The following NAPG variants were observed in gnomAD, a reference collection of about 807,000 sequenced individuals.
The protein encoded by NAPG is gamma-soluble NSF attachment protein.
A neutral mutation model predicts 48.4 loss-of-function variants in NAPG; 25 were observed. That is an observed-to-expected ratio of 0.52 (90% CI 0.38 to 0.72). The LOEUF (loss-of-function observed/expected upper bound fraction) is 0.72. Among genes scored for constraint, NAPG ranks in the 30% least tolerant of loss-of-function variants. The pLI is 0.00. For missense variants in NAPG, 359 were observed against 372.5 expected, an observed-to-expected ratio of 0.96 and a Z score of 0.30; for synonymous variants, 139 against 127.2, an observed-to-expected ratio of 1.09 and a Z score of -0.62.
Position 10,550,393 on chromosome 18 carries a change from C to T in NAPG, c.*173C>T. 1.7e-6 allele frequency: 1 copy of T among 575,836 alleles called. No homozygotes were observed. Among genetic ancestry groups the T allele is most frequent in the Non-Finnish European group, 2.8e-6 (1 of 359,092 alleles). The allele number at this position is 575,836 out of a possible 1,614,324, so 35.7% of individuals were successfully genotyped here. ...CCAAATCACTCATTGTATCCATTAC[C>T]TGTGAAGCATATCTTTTTCTTTCCA... On this transcript the variant is annotated 3_prime_UTR_variant, in exon 12 of 12. Coordinates refer to ENST00000322897, the MANE Select transcript of NAPG (RefSeq NM_003826.3).
chr18:10,546,786 G>T lies in NAPG; in HGVS notation c.585+382G>T, dbSNP rs534132644. On this transcript the variant is annotated intron_variant, in intron 9 of 11. Transcript: ENST00000322897. The surrounding 1 kb of genome is among the most constrained non-coding windows in gnomAD (Gnocchi z 4.0). Reference sequence around the variant, plus strand: ...ACAGTTGTGGAGCTGGGCAGCAAAGGCTGCAACAATGAAAACTCCAAAAGA... The same window carrying T: ...ACAGTTGTGGAGCTGGGCAGCAAAGTCTGCAACAATGAAAACTCCAAAAGA... 6.6e-6 allele frequency among the ~76,000 whole-genome samples: 1 copy of T among 152,162 alleles called. No individual in the cohort carries two copies. Among genetic ancestry groups the T allele is most frequent in the African/African-American group, 2.4e-5 (1 of 41,438 alleles).
intron 5 of NAPG, among the ~76,000 whole-genome samples, chr18:10,535,335 T>G (rs1214884991): frequency 6.6e-6 from 1 of 152,220 alleles, no homozygotes; most frequent in Non-Finnish European, 1.5e-5. Context: ...GTTAACATAC[T>G]TAGTTTAAAA....
chr18:10,550,367 C>T lies in NAPG; in HGVS notation c.*147C>T. On this transcript the variant is annotated 3_prime_UTR_variant, in exon 12 of 12. Transcript: ENST00000322897. Reference sequence around the variant, plus strand: ...AAGACTAGTTTTTAGTTACCATCTTCCCAAATCACTCATTGTATCCATTAC... The same window carrying T: ...AAGACTAGTTTTTAGTTACCATCTTTCCAAATCACTCATTGTATCCATTAC... The T allele has an allele frequency of 2.6e-6, 2 of 773,622 alleles. No homozygotes were observed. Among genetic ancestry groups the T allele is most frequent in the Non-Finnish European group, 3.8e-6 (2 of 522,356 alleles). The allele number at this position is 773,622 out of a possible 1,614,324, so 47.9% of individuals were successfully genotyped here. A position where few individuals can be genotyped will look rare whatever the true frequency, so the allele number is the denominator to read the frequency against.
Position 10,526,064 on chromosome 18 carries a change from G to T in NAPG, c.-39G>T. 1 of 1,602,476 alleles carries T rather than the reference G, an allele frequency of 6.2e-7. No individual in the cohort carries two copies. Among genetic ancestry groups the T allele is most frequent in the Non-Finnish European group, 8.5e-7 (1 of 1,169,934 alleles). On this transcript the variant is annotated 5_prime_UTR_variant, in exon 1 of 12. In the 5' UTR this introduces an upstream ATG that the reference lacks. Transcript: ENST00000322897. ...ATTCTTGGCGCCGGAGGAAGAGGCAGGGTCACCCTCTCTCCACGTCAGAGA... is the reference window on the plus strand; with the variant it reads ...ATTCTTGGCGCCGGAGGAAGAGGCATGGTCACCCTCTCTCCACGTCAGAGA...
chr18:10,540,518 G>C (rs1315828902), intron 8 of NAPG, 119 bp downstream of exon 8: 1 of 675,672 alleles, frequency 1.5e-6, no homozygotes, highest in Non-Finnish European at 2.5e-6. Context: ...GACACACCAG[G>C]CCACACAATA....
rs922703354 is a variant in NAPG, at chr18:10,546,038, C to G, written c.507-288C>G. 6.6e-6 allele frequency among the ~76,000 whole-genome samples: 1 copy of G among 152,210 alleles called. No homozygotes were observed. The highest frequency in any genetic ancestry group is 1.5e-5 in the Non-Finnish European group (1 of 68,048). On this transcript the variant is annotated intron_variant, in intron 8 of 11. Coordinates refer to ENST00000322897, the MANE Select transcript of NAPG (RefSeq NM_003826.3). The surrounding 1 kb of genome is among the most constrained non-coding windows in gnomAD (Gnocchi z 4.0). Reference sequence around the variant, plus strand: ...TACGTATCACGAAGAAGTCGTGACACTCGCTATTGGACAGTCCTTACTAAG... The same window carrying G: ...TACGTATCACGAAGAAGTCGTGACAGTCGCTATTGGACAGTCCTTACTAAG...
Position 10,548,180 on chromosome 18 carries a change from ATC to A in NAPG, c.586-115_586-114del. 1 of 697,892 alleles carries A rather than the reference ATC, an allele frequency of 1.4e-6. No homozygotes were observed. The highest frequency in any genetic ancestry group is 2.5e-6 in the Non-Finnish European group (1 of 401,282). The allele number at this position is 697,892 out of a possible 1,614,324, so 43.2% of individuals were successfully genotyped here. A position where few individuals can be genotyped will look rare whatever the true frequency, so the allele number is the denominator to read the frequency against. ...GTGGAAGTTACTATAGCATTTATAA[ATC>A]TCTGTTTATACAAACAAAGACTCTG... On this transcript the variant is annotated intron_variant, in intron 9 of 11. Transcript: ENST00000322897. The surrounding 1 kb of genome is among the most constrained non-coding windows in gnomAD (Gnocchi z 4.4).
chr18:10,532,711 C>G lies in NAPG; in HGVS notation c.125C>G (p.Ala42Gly), dbSNP rs1469043720. The change falls in exon 3 of 12, where the codon GCT becomes GGT. Residue 42 changes from alanine (A) to glycine (G), a missense_variant and splice_region_variant. Coordinates refer to ENST00000322897, the MANE Select transcript of NAPG (RefSeq NM_003826.3). ...TAGTCAATTTTTTTTTCTATTTCAG[C>G]TGTTGCTTTTAAAAATGCCAAACAG... is the stretch of plus-strand genomic sequence containing the variant. ...DSAASEYGKA[A>G]VAFKNAKQFE... 6.4e-7 allele frequency: 1 copy of G among 1,568,698 alleles called. No homozygotes were observed. Among genetic ancestry groups the G allele is most frequent in the African/African-American group, 1.4e-5 (1 of 73,702 alleles).
chr18:10,549,290 G>A (rs1224078468), intron 11 of NAPG, among the ~76,000 whole-genome samples, 194 bp downstream of exon 11: 2 of 152,102 alleles, frequency 1.3e-5, no homozygotes, highest in African/African-American at 4.8e-5. Context: ...TGTTAGTTGT[G>A]TGGTGTATAG....
chr18:10,548,407 T>TG lies in NAPG; in HGVS notation c.665+30dup, dbSNP rs770038104. On this transcript the variant is annotated intron_variant, in intron 10 of 11. Coordinates refer to ENST00000322897, the MANE Select transcript of NAPG (RefSeq NM_003826.3). The surrounding 1 kb of genome is among the most constrained non-coding windows in gnomAD (Gnocchi z 4.4). ...AGACGTTGTCTGGGCCCTCTTGACT[T>TG]GCAGTGGCGACACCTCTGTGTCTAC... 3 of 1,558,310 alleles carry TG rather than the reference T, an allele frequency of 1.9e-6. No homozygotes were observed. The African/African-American group carries it at 4.1e-5, about 21-fold the overall frequency.
chr18:10,549,838 A>G (rs1008224948), intron 11 of NAPG, among the ~76,000 whole-genome samples: 4 of 152,124 alleles, frequency 2.6e-5, no homozygotes, highest in African/African-American at 9.6e-5. Context: ...GAAAATATAT[A>G]TATTTCTAAA....
At chr18:10,529,474 C>T (rs1278669955) in intron 1 of NAPG, among the ~76,000 whole-genome samples, 2 of 152,182 alleles carry the variant, frequency 1.3e-5, no homozygotes, top group Admixed American at 1.3e-4. Flanking sequence ...CTGTAGCTGG[C>T]TGGGTACAGT....
intron 5 of NAPG, among the ~76,000 whole-genome samples, chr18:10,535,788 T>C (rs974049696): frequency 3.3e-5 from 5 of 152,162 alleles, no homozygotes; most frequent in Non-Finnish European, 7.3e-5. Flanking sequence ...AGGAAAGTGT[T>C]TAAATAAATT....
In NAPG at chr18:10,546,132, A is replaced by G. The variant is rs1324807884; in HGVS notation, c.507-194A>G. 6.6e-6 allele frequency among the ~76,000 whole-genome samples: 1 copy of G among 152,120 alleles called. No homozygotes were observed. The highest frequency in any genetic ancestry group is 2.4e-5 in the African/African-American group (1 of 41,420). The stretch of plus-strand genomic sequence containing the variant: ...GCTTTTTCTGTCAGCGTGCAGCCTG[A>G]AAGTGGGGAGTCAGACATTTGAAAG... On this transcript the variant is annotated intron_variant, in intron 8 of 11. Transcript: ENST00000322897. This position sits in a 1 kb window ranked among gnomAD's most constrained non-coding sequence, Gnocchi z 4.0.
Position 10,550,536 on chromosome 18 carries a change from G to T in NAPG, c.*316G>T. ...CATAAATTATGTTCTAAACAAAAGG[G>T]GTAATAAGCATAGGTATTCTCTCTT... On this transcript the variant is annotated 3_prime_UTR_variant, in exon 12 of 12. Transcript: ENST00000322897. 4.7e-6 allele frequency: 1 copy of T among 212,158 alleles called. No individual in the cohort carries two copies. The highest frequency in any genetic ancestry group is 9.3e-6 in the Non-Finnish European group (1 of 107,288). 13.1% of individuals were successfully genotyped at this position (212,158 alleles called of 1,614,324 possible).
rs746023885 is a variant in NAPG, at chr18:10,550,057, A to C, written c.796-20A>C. On this transcript the variant is annotated intron_variant, in intron 11 of 11. Coordinates refer to ENST00000322897, the MANE Select transcript of NAPG (RefSeq NM_003826.3). Reference sequence around the variant, plus strand: ...GATTCTAGTTATCCAGCTTTTAAGAACATGTTCTGTTGTTGACAGTATGCT... The same window carrying C: ...GATTCTAGTTATCCAGCTTTTAAGACCATGTTCTGTTGTTGACAGTATGCT... 1.3e-6 allele frequency: 2 copies of C among 1,508,228 alleles called. No homozygotes were observed. Among genetic ancestry groups the C allele is most frequent in the Non-Finnish European group, 8.8e-7 (1 of 1,135,668 alleles). 93.4% of individuals were successfully genotyped at this position (1,508,228 alleles called of 1,614,324 possible).
rs2143144088 is a variant in NAPG, at chr18:10,546,650, G to A, written c.585+246G>A. 6.6e-6 allele frequency among the ~76,000 whole-genome samples: 1 copy of A among 152,288 alleles called. No individual in the cohort carries two copies. The highest frequency in any genetic ancestry group is 2.1e-4 in the South Asian group (1 of 4,828). On this transcript the variant is annotated intron_variant, in intron 9 of 11. Coordinates refer to ENST00000322897, the MANE Select transcript of NAPG (RefSeq NM_003826.3). This position sits in a 1 kb window ranked among gnomAD's most constrained non-coding sequence, Gnocchi z 4.0. ...GAACTCTGAAAAGTAAATAAAAAGA[G>A]ACTAAGGAGAGGAGCAAACACGTGG... is the stretch of plus-strand genomic sequence containing the variant.
At position 10,534,361 on chromosome 18, in the gene NAPG, A is replaced by T; in HGVS notation, c.228-105A>T. The T allele has an allele frequency of 2.4e-6, 2 of 830,138 alleles. No homozygotes were observed. The highest frequency in any genetic ancestry group is 4.1e-6 in the Non-Finnish European group (2 of 484,648). The allele number at this position is 830,138 out of a possible 1,614,324, so 51.4% of individuals were successfully genotyped here. A position where few individuals can be genotyped will look rare whatever the true frequency, so the allele number is the denominator to read the frequency against. Reference sequence around the variant, plus strand: ...GAAGTGATATGTTGTGCATGAGCCCATTGTAATTGAAGTCACTTTCCTTAC... The same window carrying T: ...GAAGTGATATGTTGTGCATGAGCCCTTTGTAATTGAAGTCACTTTCCTTAC... On this transcript the variant is annotated intron_variant, in intron 4 of 11. Coordinates refer to ENST00000322897, the MANE Select transcript of NAPG (RefSeq NM_003826.3). This position sits in a 1 kb window ranked among gnomAD's most constrained non-coding sequence, Gnocchi z 5.0.
In NAPG at chr18:10,534,416, A is replaced by C. The variant is rs2031991112; in HGVS notation, c.228-50A>C. ...AGTTCCTCACCAGAAAGTTTCTTCT[A>C]CCCCTTATTTCGTTAAGATCTCATC... On this transcript the variant is annotated intron_variant, in intron 4 of 11. Transcript: ENST00000322897. The surrounding 1 kb of genome is among the most constrained non-coding windows in gnomAD (Gnocchi z 5.0). 6.4e-7 allele frequency: 1 copy of C among 1,572,194 alleles called. No homozygotes were observed.
Sources: gnomAD v4.1 joint callset for allele counts (sites outside exome capture counted in the v4.1 genomes callset) on GRCh38, gnomAD v4.1.1 for gene constraint, Gnocchi (gnomAD v3.1) non-coding constraint, MANE v1.5 for transcripts, NCBI Gene and HGNC (gene_info 2026-07-23, HGNC 2026-07-21) for gene names.